Variants in SNORC observed in about 807,000 individuals in gnomAD.
SNORC encodes the protein protein SNORC.
A neutral mutation model predicts 9.7 loss-of-function variants in SNORC; 11 were observed. The observed-to-expected ratio is 1.14, with a 90% confidence interval of 0.72 to 1.88. The LOEUF (loss-of-function observed/expected upper bound fraction) is 1.88, where lower values mean the gene tolerates loss of function less well. Ranked by LOEUF, SNORC falls within the 40% of genes most tolerant of loss-of-function variation. The probability of loss-of-function intolerance (pLI) is 0.00; values close to 1 mark genes in which losing one functional copy is unlikely to be tolerated. For synonymous variants in SNORC, 108 were observed against 88.7 expected, an observed-to-expected ratio of 1.22 and a Z score of -1.22; for missense variants, 197 against 173.1, an observed-to-expected ratio of 1.14 and a Z score of -0.77.
upstream of SNORC, among the ~76,000 whole-genome samples, chr2:232,869,447 A>G (rs1480287611): frequency 2.0e-5 from 3 of 152,184 alleles, no homozygotes; most frequent in Non-Finnish European, 2.9e-5. Context: ...AAGTGAGGGA[A>G]AGAGACACCT....
At chr2:232,870,359 C>T (rs1690980599) in exon 1 of SNORC, 1 of 1,564,824 alleles carries the variant, frequency 6.4e-7, no homozygotes, top group Non-Finnish European at 8.7e-7. Context: ...CCTGTCTGGC[C>T]CTGCGCATGG....
chr2:232,876,105 G>T lies in SNORC; in HGVS notation c.239G>T (p.Arg80Leu). ...CCCGAGGACAGCACCGCGCAGGAGC[G>T]GCTGGACCAGGGCGGCGGTACGGGC... Residue 80 changes from arginine to leucine, a missense_variant, in exon 2 of 3, where the codon CGG becomes CTG. Coordinates refer to ENST00000331342, the Ensembl canonical transcript of SNORC. This position sits in a 1 kb window ranked among gnomAD's most constrained non-coding sequence, Gnocchi z 6.8. The T allele has an allele frequency of 1.3e-6, 2 of 1,506,510 alleles. No homozygotes were observed. The highest frequency in any genetic ancestry group is 2.5e-5 in the South Asian group (2 of 81,602). 93.3% of individuals were successfully genotyped at this position (1,506,510 alleles called of 1,614,324 possible). A position where few individuals can be genotyped will look rare whatever the true frequency, so the allele number is the denominator to read the frequency against.
chr2:232,872,069 C>G (rs1002336760), intron 1 of SNORC, among the ~76,000 whole-genome samples: 9 of 152,224 alleles, frequency 5.9e-5, no homozygotes, highest in African/African-American at 2.2e-4. Context: ...GGGGCCAGAC[C>G]AGGCCTTCCC....
downstream of SNORC, chr2:232,876,412 G>T: frequency 6.8e-7 from 1 of 1,476,610 alleles, no homozygotes; most frequent in Non-Finnish European, 8.9e-7. This position sits in a 1 kb window ranked among gnomAD's most constrained non-coding sequence, Gnocchi z 6.8. Flanking sequence ...CTCCTCACGC[G>T]CCTGTATGTC....
At chr2:232,877,521 A>C, downstream of SNORC, 1 of 228,202 alleles carries the variant, frequency 4.4e-6, no homozygotes, top group Non-Finnish European at 7.3e-6. Flanking sequence ...CCTGAGTGGG[A>C]ATGTTGCTGG....
intron 1 of SNORC, chr2:232,875,442 C>CCAT (rs1489933309): frequency 2.6e-6 from 1 of 381,132 alleles, no homozygotes; most frequent in South Asian, 2.0e-5. Flanking sequence ...AGCCGACCTA[C>CCAT]CATCCCCATG....
At chr2:232,876,620 C>T, downstream of SNORC, 3 of 1,062,662 alleles carry the variant, frequency 2.8e-6, no homozygotes, top group Non-Finnish European at 3.4e-6. The surrounding 1 kb of genome is among the most constrained non-coding windows in gnomAD (Gnocchi z 6.8). Flanking sequence ...GTGTGGCGTG[C>T]ACCTGAGCGC....
chr2:232,872,049 GC>G (rs892725832), intron 1 of SNORC, among the ~76,000 whole-genome samples: 3 of 152,172 alleles, frequency 2.0e-5, no homozygotes, highest in Non-Finnish European at 2.9e-5. Context: ...GAGTAGGCAG[GC>G]CCCCCGCAGG....
chr2:232,876,410 G>A (rs1464049294), downstream of SNORC: 5 of 1,478,260 alleles, frequency 3.4e-6, no homozygotes, highest in Non-Finnish European at 4.5e-6. The surrounding 1 kb of genome is among the most constrained non-coding windows in gnomAD (Gnocchi z 6.8). Context: ...CACTCCTCAC[G>A]CGCCTGTATG....
intron 1 of SNORC, among the ~76,000 whole-genome samples, chr2:232,872,628 C>T (rs1301074977): frequency 6.6e-6 from 1 of 152,188 alleles, no homozygotes; most frequent in Non-Finnish European, 1.5e-5. Context: ...CACCTCTTTG[C>T]CAACCTCACT....
intron 1 of SNORC, 77 bp from the exon 2 acceptor site, chr2:232,875,863 C>T: frequency 2.8e-6 from 4 of 1,431,862 alleles, no homozygotes; most frequent in Non-Finnish European, 2.8e-6. Context: ...CGGCAACTTG[C>T]TTAACCTAGA....
chr2:232,876,666 A>G (rs554820802), downstream of SNORC: 1,933 of 1,007,436 alleles, frequency 1.9e-3, 42 homozygotes, highest in Admixed American at 0.055. The surrounding 1 kb of genome is among the most constrained non-coding windows in gnomAD (Gnocchi z 6.8). Flanking sequence ...CCCGTGCACC[A>G]CGGCTGGAGT....
At chr2:232,869,845 C>T (rs894495220), upstream of SNORC, 3 of 235,732 alleles carry the variant, frequency 1.3e-5, no homozygotes, top group Admixed American at 1.1e-4. Context: ...GTCCTGCACT[C>T]AGTGCTGCCT....
chr2:232,873,654 T>C (rs1390600120), intron 1 of SNORC, among the ~76,000 whole-genome samples: 1 of 152,116 alleles, frequency 6.6e-6, no homozygotes, highest in Non-Finnish European at 1.5e-5. Flanking sequence ...AGGCAGTCAG[T>C]GAGCCTAGAC....
chr2:232,868,399 GTCATT>G (rs945806522), upstream of SNORC, among the ~76,000 whole-genome samples: 20 of 152,256 alleles, frequency 1.3e-4, no homozygotes, highest in Non-Finnish European at 2.8e-4. Flanking sequence ...ACCTGGCCAG[GTCATT>G]TCATCTTCAC....
intron 1 of SNORC, among the ~76,000 whole-genome samples, chr2:232,874,531 C>A (rs1056735508): frequency 6.6e-6 from 1 of 152,208 alleles, no homozygotes; most frequent in Non-Finnish European, 1.5e-5. Context: ...TGGGAAGGCC[C>A]ATTTACTTTA....
chr2:232,870,936 G>A (rs1451888117), intron 1 of SNORC, among the ~76,000 whole-genome samples: 1 of 152,230 alleles, frequency 6.6e-6, no homozygotes, highest in Non-Finnish European at 1.5e-5. Context: ...CTGCAAAACG[G>A]TGTGGACCTC....
chr2:232,870,135 G>GC, upstream of SNORC: 1 of 598,506 alleles, frequency 1.7e-6, no homozygotes, highest in Non-Finnish European at 3.0e-6. Context: ...GTTCAGGAAA[G>GC]CAGGTCTGTT....
chr2:232,876,340 A>G lies in SNORC; in HGVS notation c.350A>G (p.Lys117Arg). The G allele has an allele frequency of 6.5e-7, 1 of 1,533,734 alleles. No homozygotes were observed. Among genetic ancestry groups the G allele is most frequent in the Non-Finnish European group, 8.8e-7 (1 of 1,142,712 alleles). ...GCGCTCGTGGTCGTCGCGCTGAGAAAGTTTTCTGCCTCCTGAAGCGAATAA... is the reference window on the plus strand; with the variant it reads ...GCGCTCGTGGTCGTCGCGCTGAGAAGGTTTTCTGCCTCCTGAAGCGAATAA... The change falls in exon 3 of 3, where the codon AAG becomes AGG. Residue 117 changes from lysine to arginine, a missense_variant. Transcript: ENST00000331342. This position sits in a 1 kb window ranked among gnomAD's most constrained non-coding sequence, Gnocchi z 6.8.
Sources: allele counts gnomAD v4.1 joint callset (sites outside exome capture counted in the v4.1 genomes callset), GRCh38; gene constraint gnomAD v4.1.1; non-coding constraint Gnocchi (gnomAD v3.1); transcripts MANE v1.5; gene names NCBI Gene and HGNC (gene_info 2026-07-23, HGNC 2026-07-21).